Variants in ZNF398 observed in about 807,000 individuals in gnomAD.
The protein encoded by ZNF398 is zinc finger protein 398.
ZNF398 carries 18 observed loss-of-function variants against 41.9 expected under a neutral mutation model. That is an observed-to-expected ratio of 0.43 (90% confidence interval 0.30 to 0.64). The LOEUF is 0.64. Ranked by LOEUF, ZNF398 falls within the 30% of genes least tolerant of loss-of-function variation. ZNF398 has a pLI of 0.14. For synonymous variants in ZNF398, 260 were observed against 308.8 expected, an observed-to-expected ratio of 0.84 and a Z score of 1.66; for missense variants, 669 against 822.8, an observed-to-expected ratio of 0.81 and a Z score of 2.29.
In ZNF398 at chr7:149,179,445, C is replaced by T; in HGVS notation, c.1573C>T (p.His525Tyr). The part of the protein sequence containing the change: ...DCSKSFMRKE[H>Y]LLNHRRLHTG... ...CAGTAAGAGCTTCATGCGCAAGGAG[C>T]ACCTGCTGAACCACCGGCGGCTGCA... Residue 525 changes from histidine (H) to tyrosine (Y), a missense_variant, in exon 6 of 6, where the codon CAC becomes TAC. Physicochemically the swap from His to Tyr is moderately conservative, Grantham distance 83. Transcript: ENST00000475153. The surrounding 1 kb of genome is among the most constrained non-coding windows in gnomAD (Gnocchi z 6.1). 6.2e-7 allele frequency: 1 copy of T among 1,614,050 alleles called. No individual in the cohort carries two copies. Among genetic ancestry groups the T allele is most frequent in the South Asian group, 1.1e-5 (1 of 91,082 alleles).
At chr7:149,148,480 AG>A in intron 1 of ZNF398, 2 of 985,506 alleles carry the variant, frequency 2.0e-6, no homozygotes, top group Non-Finnish European at 2.4e-6. Context: ...GCCACCCAAG[AG>A]GTCTTTGGTC....
In ZNF398 at chr7:149,180,498, G is replaced by A. The variant is rs1585547732; in HGVS notation, c.*697G>A. 1 of 152,218 alleles carries A rather than the reference G, an allele frequency of 6.6e-6. No homozygotes were observed. The highest frequency in any genetic ancestry group is 2.1e-4 in the South Asian group (1 of 4,834). The allele number at this position is 152,218 out of a possible 1,614,324, so 9.4% of individuals were successfully genotyped here. A position where few individuals can be genotyped will look rare whatever the true frequency, so the allele number is the denominator to read the frequency against. On this transcript the variant is annotated 3_prime_UTR_variant, in exon 6 of 6. Transcript: ENST00000475153. ...GAATATTCCTTAACTATACTGGCTT[G>A]ATTTGAAACAGGCTCTTATTGCCAT...
chr7:149,173,343 G>A (rs1217567399), intron 4 of ZNF398, among the ~76,000 whole-genome samples: 1 of 151,962 alleles, frequency 6.6e-6, no homozygotes, highest in Admixed American at 6.6e-5. Flanking sequence ...CCGACCTCAG[G>A]TGATCCACCC....
At chr7:149,136,412 C>G (rs1238294304) in intron 2 of ZNF398, among the ~76,000 whole-genome samples, 1 of 152,090 alleles carries the variant, frequency 6.6e-6, no homozygotes, top group African/African-American at 2.4e-5. Context: ...GGCAGAGGTG[C>G]TCCTCACTTC....
In ZNF398 at chr7:149,147,536, C is replaced by T; in HGVS notation, c.-207C>T. On this transcript the variant is annotated 5_prime_UTR_variant, in exon 1 of 6. Transcript: ENST00000475153. The surrounding 1 kb of genome is among the most constrained non-coding windows in gnomAD (Gnocchi z 5.6). ...TCGGCCTCGCGACCCCAGCTTGATC[C>T]GCCGCCTGCTGCACCGCGCCTCCGC... is the stretch of plus-strand genomic sequence containing the variant. 1 of 400,992 alleles carries T rather than the reference C, an allele frequency of 2.5e-6. No individual in the cohort carries two copies. The highest frequency in any genetic ancestry group is 4.0e-6 in the Non-Finnish European group (1 of 249,180). The allele number at this position is 400,992 out of a possible 1,614,324, so 24.8% of individuals were successfully genotyped here. A position where few individuals can be genotyped will look rare whatever the true frequency, so the allele number is the denominator to read the frequency against.
At position 149,179,931 on chromosome 7, in the gene ZNF398, T is replaced by TAC. The variant is rs1795555209; in HGVS notation, c.*133_*134dup. On this transcript the variant is annotated 3_prime_UTR_variant, in exon 6 of 6. Coordinates refer to ENST00000475153, the MANE Select transcript of ZNF398 (RefSeq NM_170686.3). This position sits in a 1 kb window ranked among gnomAD's most constrained non-coding sequence, Gnocchi z 6.1. ...GCACATCAATGAATTTGGGGTCCTA[T>TAC]ACACTTGACTAGAGACATGCTTGTG... is the stretch of plus-strand genomic sequence containing the variant. 1 of 787,274 alleles carries TAC rather than the reference T, an allele frequency of 1.3e-6. No homozygotes were observed. Among genetic ancestry groups the TAC allele is most frequent in the South Asian group, 2.3e-5 (1 of 43,198 alleles). 48.8% of individuals were successfully genotyped at this position (787,274 alleles called of 1,614,324 possible).
intron 4 of ZNF398, among the ~76,000 whole-genome samples, chr7:149,170,536 C>T (rs998124024): frequency 1.3e-5 from 2 of 152,036 alleles, no homozygotes; most frequent in African/African-American, 2.4e-5. Flanking sequence ...GAGATAGAGA[C>T]CATTCTGGCT....
intron 2 of ZNF398, among the ~76,000 whole-genome samples, chr7:149,159,505 G>A (rs941328323): frequency 4.6e-5 from 7 of 151,378 alleles, no homozygotes; most frequent in African/African-American, 1.5e-4. Flanking sequence ...AAAATTAGCC[G>A]GGCATGGTGG....
At chr7:149,141,942 G>C (rs1244601680) in intron 2 of ZNF398, among the ~76,000 whole-genome samples, 1 of 152,102 alleles carries the variant, frequency 6.6e-6, no homozygotes, top group Non-Finnish European at 1.5e-5. Context: ...TCATAGGTTG[G>C]CATCCATGAA....
At chr7:149,145,889 C>T (rs1157507789), upstream of ZNF398, among the ~76,000 whole-genome samples, 2 of 150,594 alleles carry the variant, frequency 1.3e-5, no homozygotes, top group Non-Finnish European at 2.9e-5. Flanking sequence ...GTTACACACA[C>T]TCTGTTGACT....
intron 2 of ZNF398, among the ~76,000 whole-genome samples, chr7:149,165,104 A>AC (rs1255018640): frequency 6.7e-6 from 1 of 150,100 alleles, no homozygotes; most frequent in East Asian, 1.9e-4. Flanking sequence ...AAAAAAAAAA[A>AC]AGAAAAGAAA....
In ZNF398 at chr7:149,154,061, G is replaced by T; in HGVS notation, c.141G>T (p.Val47=). ...QTAAISLWTV[V]AAVQAIERKV... is the part of the protein sequence containing the mutation. ...CAGCTATCTCTCTGTGGACAGTGGT[G>T]GCCGCCGTGCAGGCTATAGAGAGGA... Residue 47 remains valine (V), a synonymous_variant, in exon 2 of 6, where the codon GTG becomes GTT. Transcript: ENST00000475153. 6.2e-7 allele frequency: 1 copy of T among 1,614,168 alleles called. No individual in the cohort carries two copies. Among genetic ancestry groups the T allele is most frequent in the Non-Finnish European group, 8.5e-7 (1 of 1,180,040 alleles).
intron 2 of ZNF398, among the ~76,000 whole-genome samples, chr7:149,139,822 G>A (rs960097486): frequency 1.3e-5 from 2 of 151,264 alleles, no homozygotes; most frequent in Non-Finnish European, 1.5e-5. Context: ...TGGCTAACAC[G>A]GTGAAACCCT....
At chr7:149,164,013 G>A (rs1468131256) in intron 2 of ZNF398, among the ~76,000 whole-genome samples, 1 of 152,160 alleles carries the variant, frequency 6.6e-6, no homozygotes, top group Non-Finnish European at 1.5e-5. Flanking sequence ...TTGGGAGGCT[G>A]AGGCAGGAGG....
At position 149,180,162 on chromosome 7, in the gene ZNF398, G is replaced by C. The variant is rs931072532; in HGVS notation, c.*361G>C. 1.7e-5 allele frequency: 3 copies of C among 178,146 alleles called. No homozygotes were observed. The highest frequency in any genetic ancestry group is 7.1e-5 in the African/African-American group (3 of 42,190). The allele number at this position is 178,146 out of a possible 1,614,324, so 11.0% of individuals were successfully genotyped here. A position where few individuals can be genotyped will look rare whatever the true frequency, so the allele number is the denominator to read the frequency against. ...TGATAGTAGATTATGTCTCTAGGTA[G>C]AGACAGATACATGAGAAGAGCCTCC... On this transcript the variant is annotated 3_prime_UTR_variant, in exon 6 of 6. Coordinates refer to ENST00000475153, the MANE Select transcript of ZNF398 (RefSeq NM_170686.3).
chr7:149,130,622 G>T (rs139456162), intron 2 of ZNF398, among the ~76,000 whole-genome samples: 1 of 152,062 alleles, frequency 6.6e-6, no homozygotes, highest in Non-Finnish European at 1.5e-5. Context: ...GTTGGCCCAC[G>T]TTCTTTATTT....
chr7:149,128,183 T>C (rs1826524252), intron 1 of ZNF398, among the ~76,000 whole-genome samples: 1 of 152,172 alleles, frequency 6.6e-6, no homozygotes, highest in Non-Finnish European at 1.5e-5. Flanking sequence ...CAGCTTGATT[T>C]TACACGTTTT....
chr7:149,135,965 CAAT>C (rs998014189), intron 2 of ZNF398, among the ~76,000 whole-genome samples: 2 of 151,664 alleles, frequency 1.3e-5, no homozygotes, highest in East Asian at 1.9e-4. Context: ...AAACTAATAA[CAAT>C]AATAATAATA....
rs551217638 is a variant in ZNF398, at chr7:149,178,695, T to C, written c.823T>C (p.Cys275Arg). The C allele has an allele frequency of 1.9e-6, 3 of 1,614,216 alleles. No homozygotes were observed. The highest frequency in any genetic ancestry group is 2.7e-5 in the African/African-American group (2 of 75,058). The change falls in exon 6 of 6, where the codon TGC becomes CGC. Residue 275 changes from cysteine to arginine, a missense_variant. Coordinates refer to ENST00000475153, the MANE Select transcript of ZNF398 (RefSeq NM_170686.3). ...KAEGLARSSLCPEVPVPFSSP... is the reference protein window; with the variant it reads ...KAEGLARSSLRPEVPVPFSSP... The stretch of plus-strand genomic sequence containing the variant: ...TGAAGGCCTTGCTAGATCCTCGTTG[T>C]GCCCTGAGGTTCCAGTCCCTTTCTC...
Sources: allele counts gnomAD v4.1 joint callset (sites outside exome capture counted in the v4.1 genomes callset), GRCh38; gene constraint gnomAD v4.1.1; non-coding constraint Gnocchi (gnomAD v3.1); transcripts MANE v1.5; gene names NCBI Gene and HGNC (gene_info 2026-07-23, HGNC 2026-07-21).